OPCML: variants seen among roughly 807,000 people sequenced by gnomAD.
OPCML encodes the protein opioid-binding protein/cell adhesion molecule.
A neutral mutation model predicts 37.8 loss-of-function variants in OPCML; 13 were observed. The observed-to-expected ratio is 0.34, with a 90% CI of 0.22 to 0.55. The LOEUF (loss-of-function observed/expected upper bound fraction) is 0.55, where lower values mean the gene tolerates loss of function less well. Among genes scored for constraint, OPCML ranks in the 20% least tolerant of loss-of-function variants. The pLI is 0.91. For missense variants in OPCML, 341 were observed against 435.6 expected (o/e 0.78, Z 1.93); for synonymous variants, 176 against 168.8 (o/e 1.04, Z -0.33).
intron 1 of OPCML, among the ~76,000 whole-genome samples, chr11:133,217,630 T>C (rs1939639350): frequency 6.6e-6 from 1 of 152,154 alleles, no homozygotes; most frequent in Non-Finnish European, 1.5e-5. Context: ...TGAAGCCCTC[T>C]TCAGCCCAAT....
chr11:133,366,233 CAA>C (rs1474966165), intron 1 of OPCML, among the ~76,000 whole-genome samples: 1 of 152,188 alleles, frequency 6.6e-6, no homozygotes, highest in African/African-American at 2.4e-5. Context: ...GTCACGAATA[CAA>C]ATCCTGCTGT....
At chr11:132,448,706 C>T (rs1353563535) in intron 4 of OPCML, among the ~76,000 whole-genome samples, 1 of 152,210 alleles carries the variant, frequency 6.6e-6, no homozygotes, top group African/African-American at 2.4e-5. Context: ...AGCCTAGTCA[C>T]CCAAGAAGTC....
intron 1 of OPCML, among the ~76,000 whole-genome samples, chr11:133,409,413 G>C (rs1945597227): frequency 6.6e-6 from 1 of 152,178 alleles, no homozygotes; most frequent in South Asian, 2.1e-4. Context: ...AAAAAGGCTA[G>C]TATTGCCAAT....
At chr11:132,542,379 C>T (rs12226528) in intron 3 of OPCML, among the ~76,000 whole-genome samples, 1 of 152,096 alleles carries the variant, frequency 6.6e-6, no homozygotes. Flanking sequence ...GCATGTCCAT[C>T]TTGTCCCCCA....
intron 1 of OPCML, among the ~76,000 whole-genome samples, chr11:133,171,954 T>C (rs921957723): frequency 6.6e-6 from 1 of 152,142 alleles, no homozygotes; most frequent in Admixed American, 6.5e-5. Context: ...TGGAATTGAT[T>C]TAATGCTGGT....
intron 2 of OPCML, among the ~76,000 whole-genome samples, chr11:132,718,296 G>C (rs188961210): frequency 2.9e-4 from 44 of 152,294 alleles, no homozygotes; most frequent in Non-Finnish European, 1.2e-4. Flanking sequence ...TATGGTATCT[G>C]CAGCTTTTAC....
At chr11:133,451,855 C>T (rs1295215290) in intron 1 of OPCML, among the ~76,000 whole-genome samples, 2 of 150,784 alleles carry the variant, frequency 1.3e-5, no homozygotes, top group South Asian at 2.1e-4. Flanking sequence ...AAAAAAAAAT[C>T]GGTTTAAATA....
chr11:133,012,096 T>C (rs1001002184), intron 1 of OPCML, among the ~76,000 whole-genome samples: 1 of 152,142 alleles, frequency 6.6e-6, no homozygotes, highest in Admixed American at 6.5e-5. Flanking sequence ...ACAGGGGACA[T>C]TGGGCAATGC....
intron 2 of OPCML, among the ~76,000 whole-genome samples, chr11:132,676,640 T>A (rs1412319767): frequency 2.6e-5 from 4 of 151,712 alleles, no homozygotes; most frequent in African/African-American, 4.8e-5. Context: ...TGAATAGATA[T>A]TTCTCAAAGA....
chr11:132,462,924 G>A (rs1022341674), intron 4 of OPCML, among the ~76,000 whole-genome samples: 1 of 152,178 alleles, frequency 6.6e-6, no homozygotes, highest in African/African-American at 2.4e-5. Context: ...GACCTTGGGG[G>A]AAAGAGGGTC....
At chr11:132,924,707 A>T (rs1390278963) in intron 2 of OPCML, among the ~76,000 whole-genome samples, 1 of 152,194 alleles carries the variant, frequency 6.6e-6, no homozygotes, top group Non-Finnish European at 1.5e-5. Flanking sequence ...TCAGTTTGAA[A>T]ATCATATGCC....
intron 1 of OPCML, among the ~76,000 whole-genome samples, chr11:133,480,047 C>T (rs1182468694): frequency 1.3e-5 from 2 of 152,226 alleles, no homozygotes; most frequent in African/African-American, 4.8e-5. Context: ...TCTGCACACT[C>T]ATTCTGTGGA....
chr11:132,491,631 C>G (rs773118298), intron 4 of OPCML, among the ~76,000 whole-genome samples: 1 of 152,242 alleles, frequency 6.6e-6, no homozygotes, highest in African/African-American at 2.4e-5. Context: ...TTGCCTGAAA[C>G]TATATTACAT....
At chr11:133,080,614 AC>A (rs1476947940) in intron 1 of OPCML, among the ~76,000 whole-genome samples, 1 of 151,960 alleles carries the variant, frequency 6.6e-6, no homozygotes, top group Admixed American at 6.5e-5. Context: ...ATTTCATTAA[AC>A]AAGTTCCTCC....
At chr11:133,141,725 C>G (rs570552142) in intron 1 of OPCML, among the ~76,000 whole-genome samples, 8 of 152,212 alleles carry the variant, frequency 5.3e-5, no homozygotes, top group Non-Finnish European at 1.2e-4. Context: ...ACCAGCATAT[C>G]TGAAGCTAAA....
intron 1 of OPCML, among the ~76,000 whole-genome samples, chr11:133,192,344 A>G (rs1189726431): frequency 1.3e-5 from 2 of 152,204 alleles, no homozygotes; most frequent in Non-Finnish European, 2.9e-5. Context: ...TTCCCAGTGT[A>G]GGTCATAATA....
chr11:133,382,937 A>G (rs1273492835), intron 1 of OPCML, among the ~76,000 whole-genome samples: 7 of 152,176 alleles, frequency 4.6e-5, no homozygotes, highest in Non-Finnish European at 8.8e-5. Context: ...TTGAATTTGG[A>G]GCACAGGGCC....
chr11:132,716,155 G>A (rs1173603582), intron 2 of OPCML, among the ~76,000 whole-genome samples: 1 of 152,166 alleles, frequency 6.6e-6, no homozygotes, highest in East Asian at 1.9e-4. Context: ...TCTGCACTGT[G>A]GCCTGCACCT....
At chr11:133,469,883 T>A (rs184257768) in intron 1 of OPCML, among the ~76,000 whole-genome samples, 5 of 152,338 alleles carry the variant, frequency 3.3e-5, no homozygotes, top group Admixed American at 3.3e-4. Flanking sequence ...TAAAGAGGCT[T>A]TCAAATTTGA....
Sources: allele counts gnomAD v4.1 joint callset (sites outside exome capture counted in the v4.1 genomes callset), GRCh38; gene constraint gnomAD v4.1.1; transcripts MANE v1.5; gene names NCBI Gene and HGNC (gene_info 2026-07-23, HGNC 2026-07-21).